SDCCAG8: variants seen among roughly 807,000 people sequenced by gnomAD.
SDCCAG8 encodes the protein SHH signaling and ciliogenesis regulator SDCCAG8.
Under a neutral mutation model 101.8 loss-of-function variants are expected in SDCCAG8, and 74 were observed. That is an observed-to-expected ratio of 0.73 (90% confidence interval 0.60 to 0.88). SDCCAG8 has a LOEUF of 0.88. Ranked by LOEUF, SDCCAG8 falls within the 40% of genes least tolerant of loss-of-function variation. The pLI is 0.00. For synonymous variants in SDCCAG8, 281 were observed against 292.9 expected (o/e 0.96, Z 0.41); for missense variants, 787 against 822.6 (o/e 0.96, Z 0.53).
At chr1:243,313,191 G>T (rs1373237189) in intron 8 of SDCCAG8, among the ~76,000 whole-genome samples, 3 of 152,196 alleles carry the variant, frequency 2.0e-5, no homozygotes, top group Non-Finnish European at 4.4e-5. Flanking sequence ...TCCCAGAAAT[G>T]AGGAACAAAG....
At chr1:243,456,659 G>C (rs534535408) in intron 16 of SDCCAG8, among the ~76,000 whole-genome samples, 1 of 152,094 alleles carries the variant, frequency 6.6e-6, no homozygotes. Context: ...CATTTAAAAA[G>C]GGGGTAGAGG....
At chr1:243,306,648 G>A (rs1308348409) in intron 7 of SDCCAG8, 1 of 152,086 alleles carries the variant, frequency 6.6e-6, no homozygotes, top group Non-Finnish European at 1.5e-5. Context: ...GGGACCCTTT[G>A]ACTTTGGAAT....
intron 10 of SDCCAG8, among the ~76,000 whole-genome samples, chr1:243,340,334 C>T (rs2075310115): frequency 6.6e-6 from 1 of 152,128 alleles, no homozygotes; most frequent in Admixed American, 6.5e-5. Context: ...TGAGAGTGGA[C>T]ACAGGCTACA....
At chr1:243,452,947 G>T (rs1168414867) in intron 16 of SDCCAG8, among the ~76,000 whole-genome samples, 1 of 152,166 alleles carries the variant, frequency 6.6e-6, no homozygotes, top group East Asian at 1.9e-4. Flanking sequence ...TTCCTTCTCT[G>T]AACTGTGAGT....
At chr1:243,344,408 C>A in intron 12 of SDCCAG8, 77 bp downstream of exon 12, 2 of 1,065,360 alleles carry the variant, frequency 1.9e-6, no homozygotes, top group Non-Finnish European at 2.9e-6. Context: ...TTGTTTTATT[C>A]CTAATTTATT....
In SDCCAG8 at chr1:243,406,512, G is replaced by T. The variant is rs993552997; in HGVS notation, c.1617-9190G>T. Among the ~76,000 whole-genome samples, 7 of 152,130 alleles carry T rather than the reference G, an allele frequency of 4.6e-5. 1 individual carries two copies. The highest frequency in any genetic ancestry group is 1.0e-4 in the Non-Finnish European group (7 of 68,016). On this transcript the variant is annotated intron_variant, in intron 13 of 17. Coordinates refer to ENST00000366541, the MANE Select transcript of SDCCAG8 (RefSeq NM_006642.5). ...TCTTACTATTGCTGTAGTAATAAGTGCTTTCCCTGATTCTAATGTTGTCCC... is the reference window on the plus strand; with the variant it reads ...TCTTACTATTGCTGTAGTAATAAGTTCTTTCCCTGATTCTAATGTTGTCCC...
At chr1:243,281,426 T>G (rs2069031192) in intron 4 of SDCCAG8, among the ~76,000 whole-genome samples, 2 of 151,434 alleles carry the variant, frequency 1.3e-5, no homozygotes, top group South Asian at 4.2e-4. Flanking sequence ...ATGAGCCACC[T>G]TGCCCAGTTA....
intron 9 of SDCCAG8, among the ~76,000 whole-genome samples, chr1:243,320,905 T>C (rs1007545522): frequency 1.3e-5 from 2 of 152,194 alleles, no homozygotes; most frequent in Non-Finnish European, 2.9e-5. Flanking sequence ...GCCTTACTTA[T>C]CTTAGCCTAC....
At chr1:243,363,978 C>T (rs991111398) in intron 12 of SDCCAG8, among the ~76,000 whole-genome samples, 12 of 152,066 alleles carry the variant, frequency 7.9e-5, no homozygotes, top group African/African-American at 2.9e-4. Flanking sequence ...TGAGTTAAAA[C>T]CAAGTTCAAT....
intron 16 of SDCCAG8, among the ~76,000 whole-genome samples, chr1:243,437,305 C>T (rs1474842089): frequency 2.6e-5 from 4 of 152,066 alleles, no homozygotes; most frequent in Non-Finnish European, 5.9e-5. Context: ...GCATTCAGCA[C>T]TAGGTACAAA....
At chr1:243,370,318 G>GA (rs899314466) in intron 12 of SDCCAG8, among the ~76,000 whole-genome samples, 4 of 151,788 alleles carry the variant, frequency 2.6e-5, no homozygotes, top group Admixed American at 6.6e-5. Context: ...TTATTTTAAA[G>GA]AAAAAAAATT....
At chr1:243,353,521 A>AAAAAAAAAAAAAAAAAC (rs2076217673) in intron 12 of SDCCAG8, among the ~76,000 whole-genome samples, 1 of 144,548 alleles carries the variant, frequency 6.9e-6, no homozygotes, top group Non-Finnish European at 1.5e-5. Context: ...AAAAAAAAAA[A>AAAAAAAAAAAAAAAAAC]AAGAATGTTG....
chr1:243,422,618 T>C (rs1354978867), intron 15 of SDCCAG8, among the ~76,000 whole-genome samples: 3 of 152,168 alleles, frequency 2.0e-5, no homozygotes, highest in Non-Finnish European at 4.4e-5. Flanking sequence ...GTTGAACTGT[T>C]TTTTTCCTTT....
chr1:243,462,353 A>G (rs565950442), intron 16 of SDCCAG8, among the ~76,000 whole-genome samples: 1 of 152,340 alleles, frequency 6.6e-6, no homozygotes, highest in East Asian at 1.9e-4. Flanking sequence ...TGATAGCAAA[A>G]GTCATCTCGT....
intron 16 of SDCCAG8, among the ~76,000 whole-genome samples, chr1:243,479,300 G>A (rs1204099013): frequency 6.6e-6 from 1 of 152,196 alleles, no homozygotes. Flanking sequence ...GAAATATGGA[G>A]CTGGAGGAGA....
chr1:243,453,939 T>G (rs2083550217), intron 16 of SDCCAG8, among the ~76,000 whole-genome samples: 1 of 152,180 alleles, frequency 6.6e-6, no homozygotes, highest in Non-Finnish European at 1.5e-5. Flanking sequence ...ATAACAATAA[T>G]TGGGATCTTT....
chr1:243,295,495 C>G (rs576187908), intron 6 of SDCCAG8, among the ~76,000 whole-genome samples: 2 of 152,306 alleles, frequency 1.3e-5, no homozygotes, highest in African/African-American at 4.8e-5. Flanking sequence ...CTCGGCCTCC[C>G]AAAGTGCTGG....
chr1:243,461,056 T>A (rs1307228458), intron 16 of SDCCAG8, among the ~76,000 whole-genome samples: 1 of 152,234 alleles, frequency 6.6e-6, no homozygotes, highest in East Asian at 1.9e-4. Flanking sequence ...GGTACCTTGA[T>A]ACATAATGAA....
chr1:243,374,537 A>C, intron 12 of SDCCAG8, among the ~76,000 whole-genome samples: 1 of 152,150 alleles, frequency 6.6e-6, no homozygotes, highest in East Asian at 1.9e-4. Flanking sequence ...AAGACAGTGG[A>C]ATAGTTCTTA....
Sources: gnomAD v4.1 joint callset for allele counts (sites outside exome capture counted in the v4.1 genomes callset) on GRCh38, gnomAD v4.1.1 for gene constraint, MANE v1.5 for transcripts, NCBI Gene and HGNC (gene_info 2026-07-23, HGNC 2026-07-21) for gene names.